The following ACP3 variants were observed in gnomAD, a reference collection of about 807,000 sequenced individuals.
ACP3 encodes the protein prostatic acid phosphatase.
In ACP3, 38 loss-of-function variants were observed where a neutral mutation model predicts 45.6. That is an observed-to-expected ratio of 0.83 (90% CI 0.64 to 1.09). The LOEUF (loss-of-function observed/expected upper bound fraction) is 1.09. Among genes scored for constraint, ACP3 ranks in the 50% least tolerant of loss-of-function variants. ACP3 has a pLI of 0.00. For missense variants in ACP3, 466 were observed against 463.2 expected (o/e 1.01, Z -0.05); for synonymous variants, 162 against 164.7 (o/e 0.98, Z 0.13).
downstream of ACP3, among the ~76,000 whole-genome samples, chr3:132,360,759 C>G (rs1938026064): frequency 6.6e-6 from 1 of 152,196 alleles, no homozygotes; most frequent in Non-Finnish European, 1.5e-5. Context: ...AGTTTTCTCT[C>G]ATTATCTTTC....
At chr3:132,340,404 T>G (rs1054951848) in intron 5 of ACP3, among the ~76,000 whole-genome samples, 5 of 152,186 alleles carry the variant, frequency 3.3e-5, no homozygotes, top group Non-Finnish European at 5.9e-5. Flanking sequence ...TATTAACTGC[T>G]TACCGTGTTC....
chr3:132,348,415 C>T (rs1023529186), intron 7 of ACP3, among the ~76,000 whole-genome samples: 4 of 152,012 alleles, frequency 2.6e-5, no homozygotes, highest in African/African-American at 7.3e-5. Context: ...CTCAGTTTCC[C>T]CTATAAAACA....
rs150579958 is a variant in ACP3 at position 132,349,228 on chromosome 3, C to A, written c.782-692C>A. ...TATCTGTCTTTCACCACCTCAGGAG[C>A]AACAGCAGTTAGGTGTTCAGATGTG... On this transcript the variant is annotated intron_variant, in intron 7 of 9. Transcript: ENST00000336375. 3.3e-5 allele frequency among the ~76,000 whole-genome samples: 5 copies of A among 152,286 alleles called. No homozygotes were observed. The South Asian group carries it at 6.2e-4, about 19-fold the overall frequency.
chr3:132,362,431 A>C (rs1938057648), downstream of ACP3, among the ~76,000 whole-genome samples: 1 of 152,196 alleles, frequency 6.6e-6, no homozygotes, highest in Admixed American at 6.5e-5. Flanking sequence ...AGTACCTCTT[A>C]TGTACTCAAT....
chr3:132,330,936 T>C (rs1937388510), intron 2 of ACP3, among the ~76,000 whole-genome samples: 1 of 152,204 alleles, frequency 6.6e-6, no homozygotes, highest in Non-Finnish European at 1.5e-5. Flanking sequence ...CATTTCAACA[T>C]GCACCGCTGG....
chr3:132,317,682 C>A (rs963400685), intron 1 of ACP3, 106 bp downstream of exon 1: 9 of 1,293,410 alleles, frequency 7.0e-6, no homozygotes, highest in Non-Finnish European at 9.2e-6. Context: ...TTCCCAGAGA[C>A]CAGGCTCTGT....
At chr3:132,343,448 C>T (rs1319968608) in intron 6 of ACP3, among the ~76,000 whole-genome samples, 1 of 152,210 alleles carries the variant, frequency 6.6e-6, no homozygotes, top group Non-Finnish European at 1.5e-5. Flanking sequence ...TAATCATCAG[C>T]AACTATTTCA....
At chr3:132,367,505 T>A (rs1938149886) in intron 10 of ACP3, among the ~76,000 whole-genome samples, 1 of 152,220 alleles carries the variant, frequency 6.6e-6, no homozygotes, top group East Asian at 1.9e-4. Context: ...GGTCAAAGTT[T>A]ATGCTGGAAC....
chr3:132,364,565 A>G (rs1938098697), intron 10 of ACP3, among the ~76,000 whole-genome samples: 1 of 152,044 alleles, frequency 6.6e-6, no homozygotes, highest in Non-Finnish European at 1.5e-5. Context: ...AATAGAATAC[A>G]CTCTGCTGAC....
At chr3:132,365,386 G>A (rs961640745) in intron 10 of ACP3, among the ~76,000 whole-genome samples, 4 of 152,198 alleles carry the variant, frequency 2.6e-5, no homozygotes, top group African/African-American at 9.7e-5. Context: ...AGAAAGCAAG[G>A]GATGTGTGGG....
intron 5 of ACP3, among the ~76,000 whole-genome samples, chr3:132,339,955 T>C (rs566808318): frequency 3.3e-5 from 5 of 152,138 alleles, no homozygotes; most frequent in Non-Finnish European, 7.3e-5. Flanking sequence ...ATCATTAGCA[T>C]GCAAAAAGAC....
At position 132,357,545 on chromosome 3, in the gene ACP3, T is replaced by G. The variant is rs1937936175; in HGVS notation, c.*667T>G. On this transcript the variant is annotated 3_prime_UTR_variant, in exon 10 of 10. Transcript: ENST00000336375. ...CTTGGTCCTGGAACATTTATGTTCC[T>G]TTTAAAGAAACAAAAATCAAACTTT... The G allele has an allele frequency of 1.0e-6, 1 of 984,506 alleles. No homozygotes were observed. Among genetic ancestry groups the G allele is most frequent in the African/African-American group, 1.7e-5 (1 of 57,220 alleles). 61.0% of individuals were successfully genotyped at this position (984,506 alleles called of 1,614,324 possible). A position where few individuals can be genotyped will look rare whatever the true frequency, so the allele number is the denominator to read the frequency against.
chr3:132,323,394 T>C (rs1223267879), intron 1 of ACP3, among the ~76,000 whole-genome samples: 1 of 152,182 alleles, frequency 6.6e-6, no homozygotes, highest in East Asian at 1.9e-4. Flanking sequence ...GCTTCTGCTT[T>C]CAAGGAGTTT....
chr3:132,328,992 T>C (rs1937353260), intron 2 of ACP3, among the ~76,000 whole-genome samples: 1 of 152,210 alleles, frequency 6.6e-6, no homozygotes, highest in African/African-American at 2.4e-5. Flanking sequence ...GCTGGATATA[T>C]TGGGATTTGA....
chr3:132,350,731 GCTT>G (rs1315859739), intron 8 of ACP3, among the ~76,000 whole-genome samples: 2 of 152,178 alleles, frequency 1.3e-5, no homozygotes, highest in African/African-American at 4.8e-5. Context: ...TTGTCCTGCT[GCTT>G]CTTTGTTTAA....
chr3:132,350,027 CAT>C, intron 8 of ACP3, 25 bp downstream of exon 8: 1 of 1,503,844 alleles, frequency 6.6e-7, no homozygotes, highest in African/African-American at 1.4e-5. Flanking sequence ...CTTCATTTAA[CAT>C]ATGTTTGTTC....
chr3:132,332,651 C>G (rs73215911), intron 4 of ACP3: 10,762 of 265,888 alleles, frequency 0.04, 287 homozygotes, highest in Middle Eastern at 0.079. Context: ...AGACAAGTCC[C>G]CCAGTGTTCT....
At chr3:132,349,857 C>G (rs1937679917) in intron 7 of ACP3, 63 bp from the exon 8 acceptor site, 1 of 1,182,604 alleles carries the variant, frequency 8.5e-7, no homozygotes, top group Admixed American at 1.8e-5. Context: ...TGACAAAAAG[C>G]TAATGAACTA....
downstream of ACP3, among the ~76,000 whole-genome samples, chr3:132,360,224 A>C (rs545301262): frequency 8.1e-4 from 123 of 151,868 alleles, no homozygotes; most frequent in Non-Finnish European, 1.4e-3. Flanking sequence ...GTGGCTCATT[A>C]GTTTGGCCAC....
Sources: allele counts gnomAD v4.1 joint callset (sites outside exome capture counted in the v4.1 genomes callset), GRCh38; gene constraint gnomAD v4.1.1; transcripts MANE v1.5; gene names NCBI Gene and HGNC (gene_info 2026-07-23, HGNC 2026-07-21).